The following CANX variants were observed in gnomAD, a reference collection of about 807,000 sequenced individuals.
CANX encodes the protein epididymis secretory sperm binding protein.
A neutral mutation model predicts 75.7 loss-of-function variants in CANX; 14 were observed. The ratio of observed to expected loss-of-function variants is 0.19; its 90% confidence interval spans 0.12 to 0.29. The LOEUF is 0.29. CANX is among the 10% of genes least tolerant of loss of function. CANX has a pLI of 1.00. For synonymous variants in CANX, 227 were observed against 236.9 expected (o/e 0.96, Z 0.38); for missense variants, 567 against 713.2 (o/e 0.79, Z 2.34).
chr5:179,720,359 T>A lies in CANX; in HGVS notation c.1026-45T>A, dbSNP rs375463138. ...TGGGCCAGCCAGCTGTTCATAGTCC[T>A]GCATCACAGAACCTGTTTATAATTT... On this transcript the variant is annotated intron_variant, in intron 9 of 14. Transcript: ENST00000247461. 69 of 1,556,502 alleles carry A rather than the reference T, an allele frequency of 4.4e-5. No individual in the cohort carries two copies. The African/African-American group carries it at 8.1e-4, about 18-fold the overall frequency.
At chr5:179,689,604 G>A (rs975346555) in intron 1 of CANX, among the ~76,000 whole-genome samples, 1 of 151,952 alleles carries the variant, frequency 6.6e-6, no homozygotes, top group Admixed American at 6.6e-5. Context: ...TGGCCAGGCT[G>A]GTCTCAAACT....
intron 13 of CANX, among the ~76,000 whole-genome samples, chr5:179,725,965 C>T (rs1471899578): frequency 1.5e-5 from 2 of 133,802 alleles, no homozygotes; most frequent in Non-Finnish European, 1.6e-5. Flanking sequence ...TCCAGCCTGG[C>T]GACAGAGCGA....
intron 7 of CANX, chr5:179,715,844 A>C: frequency 2.1e-6 from 1 of 484,762 alleles, no homozygotes; most frequent in Admixed American, 3.5e-5. Flanking sequence ...TTTAGTGTCT[A>C]TAAGTCAAGT....
At chr5:179,696,686 T>G (rs1261326812), upstream of CANX, among the ~76,000 whole-genome samples, 1 of 152,246 alleles carries the variant, frequency 6.6e-6, no homozygotes, top group South Asian at 2.1e-4. Context: ...CTTACATGTA[T>G]GAGAATACAT....
exon 1 of CANX, chr5:179,678,745 C>T (rs1456484426): frequency 5.9e-6 from 9 of 1,536,966 alleles, no homozygotes; most frequent in Non-Finnish European, 7.8e-6. Context: ...TCTCAGTCAG[C>T]ATGTCTATGA....
At chr5:179,683,321 G>C (rs537739787) in intron 1 of CANX, among the ~76,000 whole-genome samples, 24 of 151,656 alleles carry the variant, frequency 1.6e-4, no homozygotes, top group Admixed American at 7.9e-4. Flanking sequence ...TTTTAGTAGA[G>C]ATGGGGTTTC....
chr5:179,679,105 G>C, intron 1 of CANX: 1 of 1,535,732 alleles, frequency 6.5e-7, no homozygotes, highest in Non-Finnish European at 8.7e-7. Flanking sequence ...ACAGGCGGCT[G>C]GCATGGCTCG....
At chr5:179,692,690 A>T (rs1337277602) in intron 1 of CANX, among the ~76,000 whole-genome samples, 3 of 150,846 alleles carry the variant, frequency 2.0e-5, no homozygotes, top group Non-Finnish European at 4.4e-5. Flanking sequence ...CTAATTTTTT[A>T]TTTTCTGTAC....
intron 1 of CANX, among the ~76,000 whole-genome samples, chr5:179,687,088 T>C (rs1776203051): frequency 6.7e-6 from 1 of 149,454 alleles, no homozygotes; most frequent in African/African-American, 2.5e-5. Context: ...GCAGTTTTTT[T>C]GTTTGTTTGT....
At chr5:179,701,016 C>T (rs1185039797) in intron 1 of CANX, 1 of 152,196 alleles carries the variant, frequency 6.6e-6, no homozygotes, top group Non-Finnish European at 1.5e-5. Context: ...GTGCCCGCCA[C>T]CACGCCCGGC....
intron 5 of CANX, 56 bp downstream of exon 5, chr5:179,708,436 A>C (rs1201999297): frequency 4.7e-6 from 7 of 1,500,718 alleles, no homozygotes; most frequent in Non-Finnish European, 6.4e-6. Flanking sequence ...CTTAGAAGAC[A>C]TTATGTAACT....
chr5:179,703,023 C>A (rs1230877402), intron 1 of CANX, among the ~76,000 whole-genome samples: 1 of 152,162 alleles, frequency 6.6e-6, no homozygotes, highest in Non-Finnish European at 1.5e-5. Flanking sequence ...CCTGCCTCGG[C>A]CTCCCAAAGT....
intron 1 of CANX, among the ~76,000 whole-genome samples, chr5:179,685,571 T>TTA (rs1776176375): frequency 1.4e-5 from 2 of 141,456 alleles, no homozygotes; most frequent in African/African-American, 2.8e-5. Context: ...TTTTTTTTTT[T>TTA]GAGATGGAGT....
At chr5:179,681,267 G>A (rs1776058101) in intron 1 of CANX, among the ~76,000 whole-genome samples, 1 of 152,194 alleles carries the variant, frequency 6.6e-6, no homozygotes, top group African/African-American at 2.4e-5. Flanking sequence ...GCAGGGGAAT[G>A]AAGGGAGTGA....
chr5:179,709,852 A>C (rs755761297), intron 6 of CANX, 21 bp from the exon 7 acceptor site: 1 of 1,520,024 alleles, frequency 6.6e-7, no homozygotes, highest in Non-Finnish European at 8.9e-7. Flanking sequence ...GACTTCAAAT[A>C]ATCCTTTTTT....
chr5:179,724,646 G>T lies in CANX; in HGVS notation c.1519-11G>T. On this transcript the variant is annotated splice_polypyrimidine_tract_variant and intron_variant, in intron 12 of 14. Coordinates refer to ENST00000247461, the MANE Select transcript of CANX (RefSeq NM_001746.4). ...CATGTAAACAAAATTGTACTTTGGG[G>T]AACATTTCAGAAACAGACCAGTGGT... 1 of 1,610,070 alleles carries T rather than the reference G, an allele frequency of 6.2e-7. No individual in the cohort carries two copies. The highest frequency in any genetic ancestry group is 8.5e-7 in the Non-Finnish European group (1 of 1,177,892).
At chr5:179,728,536 A>G in intron 14 of CANX, 55 bp from the exon 15 acceptor site, 2 of 1,066,768 alleles carry the variant, frequency 1.9e-6, no homozygotes, top group South Asian at 2.7e-5. Flanking sequence ...AATATGGTGA[A>G]CTTTTATTAT....
chr5:179,691,660 G>A lies in CANX; in HGVS notation c.-4+12883G>A, dbSNP rs78700978. Among the ~76,000 whole-genome samples the A allele has an allele frequency of 5.9e-5, 9 of 152,278 alleles. 1 individual carries two copies. Among genetic ancestry groups the A allele is most frequent in the Admixed American group, 6.5e-5 (1 of 15,288 alleles). Reference sequence around the variant, plus strand: ...AGCCACTACACTGCAATCCCAGCTCGGGATAGCATGAGGCGAGGCAGTACT... The same window carrying A: ...AGCCACTACACTGCAATCCCAGCTCAGGATAGCATGAGGCGAGGCAGTACT... On this transcript the variant is annotated intron_variant, in intron 1 of 14. Coordinates refer to the CANX transcript ENST00000681674.
At chr5:179,694,504 G>T, upstream of CANX, 8 of 754,610 alleles carry the variant, frequency 1.1e-5, no homozygotes, top group South Asian at 9.7e-5. Context: ...TCGGAAATCC[G>T]CCCCAAGATC....
Sources: gnomAD v4.1 joint callset for allele counts (sites outside exome capture counted in the v4.1 genomes callset) on GRCh38, gnomAD v4.1.1 for gene constraint, MANE v1.5 for transcripts, NCBI Gene and HGNC (gene_info 2026-07-23, HGNC 2026-07-21) for gene names.